Variants in LTBP1 observed in about 807,000 individuals in gnomAD.
LTBP1 encodes latent-transforming growth factor beta-binding protein 1.
Under a neutral mutation model 207.6 loss-of-function variants are expected in LTBP1, and 129 were observed. The observed-to-expected ratio is 0.62, with a 90% confidence interval of 0.54 to 0.72. LTBP1 has a LOEUF of 0.72. Ranked by LOEUF, LTBP1 falls within the 30% of genes least tolerant of loss-of-function variation. LTBP1 has a pLI of 0.00. For missense variants in LTBP1, 2,281 were observed against 2,217.2 expected (o/e 1.03, Z -0.58); for synonymous variants, 963 against 833.7 (o/e 1.16, Z -2.67).
chr2:33,105,351 A>G (rs1016470780), intron 3 of LTBP1, among the ~76,000 whole-genome samples: 2 of 152,226 alleles, frequency 1.3e-5, no homozygotes, highest in African/African-American at 4.8e-5. Flanking sequence ...TTAAAAATTA[A>G]TTTCAATTTT....
At chr2:33,252,642 C>T (rs1018416233) in intron 10 of LTBP1, 35 bp from the exon 11 acceptor site, 2 of 1,570,170 alleles carry the variant, frequency 1.3e-6, no homozygotes, top group African/African-American at 2.7e-5. Context: ...GTTTTGGTTT[C>T]TCATGTAATG....
At chr2:33,149,886 C>G (rs929357537) in intron 5 of LTBP1, among the ~76,000 whole-genome samples, 8 of 152,162 alleles carry the variant, frequency 5.3e-5, no homozygotes, top group African/African-American at 1.9e-4. Flanking sequence ...ACGATAGCAT[C>G]ATCACACTTT....
At chr2:33,259,648 C>A (rs372317444) in intron 13 of LTBP1, 38 bp downstream of exon 13, 2 of 1,573,426 alleles carry the variant, frequency 1.3e-6, no homozygotes, top group Non-Finnish European at 8.6e-7. Flanking sequence ...TTTTTTTCAA[C>A]GCTCAAAGTG....
intron 2 of LTBP1, among the ~76,000 whole-genome samples, chr2:33,010,445 G>C (rs1468886516): frequency 6.6e-6 from 1 of 152,186 alleles, no homozygotes; most frequent in African/African-American, 2.4e-5. Flanking sequence ...AAGAAATTCT[G>C]AGTTTGATAG....
chr2:33,112,578 G>T (rs1436933646), intron 4 of LTBP1, among the ~76,000 whole-genome samples: 1 of 152,206 alleles, frequency 6.6e-6, no homozygotes, highest in Non-Finnish European at 1.5e-5. Context: ...AGTTACGCAT[G>T]TAGGAAAGAC....
intron 15 of LTBP1, among the ~76,000 whole-genome samples, chr2:33,271,755 C>G (rs950488610): frequency 1.4e-4 from 21 of 152,130 alleles, no homozygotes; most frequent in African/African-American, 3.9e-4. Context: ...AGATTATATT[C>G]TATATTATAA....
In LTBP1 at chr2:33,142,138, G is replaced by GC. The variant is rs1348488694; in HGVS notation, c.1201+7180dup. On this transcript the variant is annotated intron_variant, in intron 5 of 33. Transcript: ENST00000404816. ...GGGATCTCGGCTCACTGCAAGCTCCGCCTCCCGGGTTCACGCCATTCTCAT... is the reference window on the plus strand; with the variant it reads ...GGGATCTCGGCTCACTGCAAGCTCCGCCCTCCCGGGTTCACGCCATTCTCAT... Among the ~76,000 whole-genome samples, 6 of 151,950 alleles carry GC rather than the reference G, an allele frequency of 3.9e-5. No individual in the cohort carries two copies. The East Asian group carries it at 9.7e-4, about 24-fold the overall frequency.
intron 3 of LTBP1, among the ~76,000 whole-genome samples, chr2:33,078,857 C>CTTTTTTTTTTTTTTTTTTTTTTTTTTTT (rs879714056): frequency 5.4e-5 from 5 of 92,158 alleles, no homozygotes; most frequent in Non-Finnish European, 9.0e-5. Context: ...CTTTTCTTTT[C>CTTTTTTTTTTTTTTTTTTTTTTTTTTTT]TTTTCTTTTT....
intron 24 of LTBP1, among the ~76,000 whole-genome samples, chr2:33,339,856 G>T (rs550804025): frequency 1.1e-4 from 16 of 152,044 alleles, no homozygotes; most frequent in Middle Eastern, 6.8e-3. Context: ...AGTTGGTCAG[G>T]CTGGTCTTGA....
At chr2:33,212,860 C>T (rs1246043815) in intron 7 of LTBP1, among the ~76,000 whole-genome samples, 1 of 152,176 alleles carries the variant, frequency 6.6e-6, no homozygotes, top group African/African-American at 2.4e-5. Context: ...TTGGGATGCT[C>T]AACTGGTATT....
intron 2 of LTBP1, among the ~76,000 whole-genome samples, chr2:33,004,814 T>TATATATATATATATATATAA (rs1178147190): frequency 2.1e-4 from 29 of 136,546 alleles, no homozygotes; most frequent in Non-Finnish European, 3.6e-4. Context: ...TATATATATA[T>TATATATATATATATATATAA]AAACATAAAA....
chr2:33,188,562 C>T lies in LTBP1; in HGVS notation c.1427-15C>T, dbSNP rs1354021013. ...TTATTCAGGACTAACAAGTTTTCCT[C>T]CCAATCTGTTGTAGTGAAATTTCCT... is the stretch of plus-strand genomic sequence containing the variant. On this transcript the variant is annotated splice_polypyrimidine_tract_variant and intron_variant, in intron 6 of 33. Transcript: ENST00000404816. 1.9e-6 allele frequency: 3 copies of T among 1,599,284 alleles called. No homozygotes were observed. Among genetic ancestry groups the T allele is most frequent in the Non-Finnish European group, 2.6e-6 (3 of 1,172,928 alleles).
intron 9 of LTBP1, among the ~76,000 whole-genome samples, chr2:33,235,869 C>T (rs1475880099): frequency 6.6e-6 from 1 of 152,036 alleles, no homozygotes; most frequent in Non-Finnish European, 1.5e-5. Flanking sequence ...TACATGGACA[C>T]AGGGAGGGGA....
intron 5 of LTBP1, among the ~76,000 whole-genome samples, chr2:33,175,760 G>T (rs559850123): frequency 1.4e-3 from 209 of 152,130 alleles, no homozygotes; most frequent in African/African-American, 4.7e-3. Flanking sequence ...AACCCAAATG[G>T]CCAACAGTGA....
At chr2:32,948,807 C>G in intron 1 of LTBP1, 68 bp from the exon 2 acceptor site, 1 of 1,438,476 alleles carries the variant, frequency 7.0e-7, no homozygotes, top group Non-Finnish European at 9.8e-7. Flanking sequence ...CTGGAACATG[C>G]TGGAAGCTTG....
intron 3 of LTBP1, among the ~76,000 whole-genome samples, chr2:33,043,690 C>T (rs1468394862): frequency 6.6e-6 from 1 of 152,068 alleles, no homozygotes; most frequent in African/African-American, 2.4e-5. Flanking sequence ...TTTGGCTGAG[C>T]ATGTTTTACA....
intron 24 of LTBP1, among the ~76,000 whole-genome samples, chr2:33,315,689 A>G (rs552761683): frequency 3.3e-5 from 5 of 152,282 alleles, no homozygotes; most frequent in Admixed American, 2.0e-4. Flanking sequence ...TCACACCAGC[A>G]CTTTTGGAGG....
chr2:33,273,016 A>C (rs1317116160), intron 15 of LTBP1, among the ~76,000 whole-genome samples: 26 of 152,186 alleles, frequency 1.7e-4, no homozygotes, highest in Admixed American at 1.7e-3. Context: ...GTAAGGGAGT[A>C]AGGGAGGAAT....
At chr2:33,061,735 G>T (rs1156323467) in intron 3 of LTBP1, among the ~76,000 whole-genome samples, 1 of 152,146 alleles carries the variant, frequency 6.6e-6, no homozygotes, top group East Asian at 1.9e-4. Context: ...GTTGTTTCTA[G>T]TTTGGGGCTA....
Sources: allele counts gnomAD v4.1 joint callset (sites outside exome capture counted in the v4.1 genomes callset), GRCh38; gene constraint gnomAD v4.1.1; transcripts MANE v1.5; gene names NCBI Gene and HGNC (gene_info 2026-07-23, HGNC 2026-07-21).